The following RIN2 variants were observed in gnomAD, a reference collection of about 807,000 sequenced individuals.
RIN2 encodes RAB5 interacting protein 2.
Under a neutral mutation model 78.0 loss-of-function variants are expected in RIN2, and 36 were observed. That is an observed-to-expected ratio of 0.46 (90% CI 0.35 to 0.61). The LOEUF (loss-of-function observed/expected upper bound fraction) is 0.61. Ranked by LOEUF, RIN2 falls within the 20% of genes least tolerant of loss-of-function variation. The probability of loss-of-function intolerance (pLI) is 0.00; values close to 1 mark genes in which losing one functional copy is unlikely to be tolerated. For synonymous variants in RIN2, 466 were observed against 466.8 expected (o/e 1.00, Z 0.02); for missense variants, 1,087 against 1,159.7 (o/e 0.94, Z 0.91).
chr20:19,990,409 C>T lies in RIN2; in HGVS notation c.2068+98C>T. The stretch of plus-strand genomic sequence containing the variant: ...CTTTCTGATTCCCAATTTCTCCTCC[C>T]TTTGGTCTCTTGATTTCACCAAGTG... On this transcript the variant is annotated intron_variant, in intron 10 of 12. Transcript: ENST00000255006. 2.5e-6 allele frequency: 3 copies of T among 1,189,010 alleles called. No homozygotes were observed. In the East Asian group the frequency reaches 7.6e-5, roughly 30 times the overall value. The allele number at this position is 1,189,010 out of a possible 1,614,324, so 73.7% of individuals were successfully genotyped here. A position where few individuals can be genotyped will look rare whatever the true frequency, so the allele number is the denominator to read the frequency against.
At chr20:19,805,756 A>G (rs1222193241) in intron 2 of RIN2, among the ~76,000 whole-genome samples, 1 of 151,852 alleles carries the variant, frequency 6.6e-6, no homozygotes, top group East Asian at 1.9e-4. Flanking sequence ...TCTGGGGTAC[A>G]TGTGCAGAAC....
chr20:19,919,173 C>T (rs912324611), intron 3 of RIN2, among the ~76,000 whole-genome samples: 4 of 152,166 alleles, frequency 2.6e-5, no homozygotes, highest in African/African-American at 7.2e-5. Flanking sequence ...GCGAGAGTCC[C>T]GGTTATATCC....
intron 1 of RIN2, among the ~76,000 whole-genome samples, chr20:19,792,436 C>T (rs1055499107): frequency 1.3e-5 from 2 of 152,056 alleles, no homozygotes; most frequent in African/African-American, 4.8e-5. Context: ...GTATCATGTG[C>T]CTGAAACAAA....
chr20:19,767,245 G>C (rs1025373855), intron 1 of RIN2, among the ~76,000 whole-genome samples: 1 of 152,202 alleles, frequency 6.6e-6, no homozygotes, highest in Non-Finnish European at 1.5e-5. Context: ...GATCCAGCAA[G>C]GCCTGTCTGT....
chr20:19,983,832 C>T (rs1306681132), intron 9 of RIN2, among the ~76,000 whole-genome samples: 2 of 152,170 alleles, frequency 1.3e-5, no homozygotes, highest in East Asian at 3.9e-4. Context: ...CCCTCCCACC[C>T]TAACCTCATG....
At chr20:19,864,264 A>C (rs1568553852) in intron 2 of RIN2, among the ~76,000 whole-genome samples, 1 of 152,142 alleles carries the variant, frequency 6.6e-6, no homozygotes, top group Non-Finnish European at 1.5e-5. Context: ...TGGAGTGAGG[A>C]GTTAACAGCT....
intron 1 of RIN2, among the ~76,000 whole-genome samples, chr20:19,765,069 C>T (rs1206839791): frequency 6.6e-6 from 1 of 151,670 alleles, no homozygotes; most frequent in Admixed American, 6.6e-5. Context: ...AGGCTGGTCT[C>T]GAACTCCTGA....
intron 3 of RIN2, among the ~76,000 whole-genome samples, chr20:19,915,211 G>A (rs1047550811): frequency 1.7e-4 from 26 of 152,198 alleles, no homozygotes; most frequent in African/African-American, 6.0e-4. Context: ...ATGTGGGAGA[G>A]TAGGGGAGTG....
intron 2 of RIN2, among the ~76,000 whole-genome samples, chr20:19,834,990 GAGAA>G (rs141534379): frequency 0.064 from 9,519 of 149,320 alleles, 319 homozygotes; most frequent in South Asian, 0.16. Flanking sequence ...GAAGGAAAGA[GAGAA>G]AGAGAGAGAG....
chr20:19,866,393 A>C (rs1029865383), intron 2 of RIN2, among the ~76,000 whole-genome samples: 1 of 152,170 alleles, frequency 6.6e-6, no homozygotes, highest in African/African-American at 2.4e-5. Context: ...ATGAACTCCA[A>C]GTTCAGAATT....
At chr20:19,906,036 T>C (rs530887987) in intron 3 of RIN2, among the ~76,000 whole-genome samples, 75 of 152,192 alleles carry the variant, frequency 4.9e-4, no homozygotes, top group Non-Finnish European at 8.7e-4. Context: ...CATGAATCTA[T>C]ATAAACACCC....
At chr20:19,807,955 T>C (rs978890846) in intron 2 of RIN2, among the ~76,000 whole-genome samples, 3 of 152,224 alleles carry the variant, frequency 2.0e-5, no homozygotes, top group South Asian at 2.1e-4. Flanking sequence ...TTGTGAGTTA[T>C]AAGTCATAAA....
chr20:19,980,292 A>G (rs2042406066), intron 9 of RIN2, among the ~76,000 whole-genome samples: 1 of 152,208 alleles, frequency 6.6e-6, no homozygotes, highest in Non-Finnish European at 1.5e-5. Flanking sequence ...GACAAGAAGC[A>G]CTTGGTTTTC....
chr20:19,867,842 G>A (rs977886356), intron 2 of RIN2, among the ~76,000 whole-genome samples: 11 of 152,228 alleles, frequency 7.2e-5, no homozygotes, highest in Non-Finnish European at 1.3e-4. Flanking sequence ...AACTGGGAGG[G>A]TATTTAGACT....
chr20:19,847,384 T>C (rs1327885913), intron 2 of RIN2, among the ~76,000 whole-genome samples: 1 of 152,242 alleles, frequency 6.6e-6, no homozygotes, highest in Non-Finnish European at 1.5e-5. Flanking sequence ...GTAGGATTTC[T>C]CAGGGTGGTT....
chr20:19,836,596 GCTCT>G (rs145293810), intron 2 of RIN2, among the ~76,000 whole-genome samples: 3 of 148,700 alleles, frequency 2.0e-5, no homozygotes, highest in Admixed American at 6.7e-5. Context: ...GAGACCATGA[GCTCT>G]CTCTCTCTCT....
In RIN2 at chr20:19,817,780, G is replaced by A. The variant is rs1038929344; in HGVS notation, c.-37+18033G>A. ...TGTCTAGGGTTCACCACTGACAATG[G>A]GGCAAAGCCAAGATTCAAAAGCTCT... On this transcript the variant is annotated intron_variant, in intron 2 of 12. Coordinates refer to ENST00000255006, the MANE Select transcript of RIN2 (RefSeq NM_018993.4). Among the ~76,000 whole-genome samples the A allele has an allele frequency of 6.6e-5, 10 of 152,268 alleles. No individual in the cohort carries two copies. In the East Asian group the frequency reaches 1.9e-3, roughly 29 times the overall value.
chr20:19,960,364 A>G (rs2041699538), intron 5 of RIN2, among the ~76,000 whole-genome samples: 1 of 152,238 alleles, frequency 6.6e-6, no homozygotes, highest in African/African-American at 2.4e-5. Flanking sequence ...CAGGGGCTAC[A>G]GAATATAACT....
At chr20:19,876,382 A>C (rs1908786426) in intron 2 of RIN2, among the ~76,000 whole-genome samples, 1 of 152,168 alleles carries the variant, frequency 6.6e-6, no homozygotes, top group Non-Finnish European at 1.5e-5. Context: ...TGAGATAATA[A>C]AGGGGTAGAC....
Sources: allele counts gnomAD v4.1 joint callset (sites outside exome capture counted in the v4.1 genomes callset), GRCh38; gene constraint gnomAD v4.1.1; transcripts MANE v1.5; gene names NCBI Gene and HGNC (gene_info 2026-07-23, HGNC 2026-07-21).